The following TIMM23 variants were observed in gnomAD, a reference collection of about 807,000 sequenced individuals.
TIMM23 encodes the protein translocase of inner mitochondrial membrane 23, also known as mitochondrial import inner membrane translocase subunit Tim23.
Under a neutral mutation model 30.7 loss-of-function variants are expected in TIMM23, and 19 were observed. That is an observed-to-expected ratio of 0.62 (90% confidence interval 0.43 to 0.91). The LOEUF (loss-of-function observed/expected upper bound fraction) is 0.91. TIMM23 is among the 40% of genes least tolerant of loss of function. TIMM23 has a pLI of 0.00. For missense variants in TIMM23, 202 were observed against 269.2 expected (o/e 0.75, Z 1.75); for synonymous variants, 78 against 98.5 (o/e 0.79, Z 1.23).
intron 6 of TIMM23, among the ~76,000 whole-genome samples, chr10:46,000,567 C>T (rs1838497988): frequency 6.6e-6 from 1 of 152,192 alleles, no homozygotes; most frequent in African/African-American, 2.4e-5. Flanking sequence ...TATGTTACCC[C>T]TAGTGCATAT....
intron 6 of TIMM23, among the ~76,000 whole-genome samples, chr10:46,001,000 C>T (rs559397733): frequency 3.5e-4 from 53 of 152,168 alleles, no homozygotes; most frequent in South Asian, 2.1e-3. Context: ...AATAACTGAG[C>T]GATAGCAATG....
Position 45,988,760 on chromosome 10 carries a change from G to A in TIMM23, c.427G>A (p.Val143Ile). Reference protein sequence around the residue: ...SLALLYSAFGVIIEKTRGAED... With the variant: ...SLALLYSAFGIIIEKTRGAED... ...AGCTTTGCTCTATAGTGCATTTGGT[G>A]TCATCATTGAGAAAACACGAGGTGC... is the stretch of plus-strand genomic sequence containing the variant. Residue 143 changes from valine (V) to isoleucine (I), a missense_variant, in exon 6 of 7, where the codon GTC becomes ATC. Coordinates refer to ENST00000580018, the MANE Select transcript of TIMM23 (RefSeq NM_006327.4). 6.2e-7 allele frequency: 1 copy of A among 1,613,824 alleles called. No individual in the cohort carries two copies.
chr10:46,003,334 A>C lies in TIMM23; in HGVS notation c.*16A>C. ...GTCACTCTGAAGATTTTGCCAACTC[A>C]TGAATGGAGGACACTTCAGTAGTCA... On this transcript the variant is annotated 3_prime_UTR_variant, in exon 7 of 7. Coordinates refer to ENST00000580018, the MANE Select transcript of TIMM23 (RefSeq NM_006327.4). 149 of 1,568,288 alleles carry C rather than the reference A, an allele frequency of 9.5e-5. No individual in the cohort carries two copies. The highest frequency in any genetic ancestry group is 1.7e-4 in the Middle Eastern group (1 of 5,964).
chr10:45,982,015 T>C (rs1837866640), intron 2 of TIMM23, among the ~76,000 whole-genome samples: 1 of 152,274 alleles, frequency 6.6e-6, no homozygotes. Context: ...ATCAAAGGAA[T>C]ATATACTCCT....
chr10:45,998,563 A>T (rs1838416363), intron 6 of TIMM23, among the ~76,000 whole-genome samples: 1 of 152,202 alleles, frequency 6.6e-6, no homozygotes, highest in East Asian at 1.9e-4. Context: ...TTGCAAACAC[A>T]TCAACCAATT....
At chr10:45,999,151 T>C (rs1838440425) in intron 6 of TIMM23, among the ~76,000 whole-genome samples, 2 of 152,018 alleles carry the variant, frequency 1.3e-5, no homozygotes, top group Admixed American at 1.3e-4. Context: ...AATTTTTTTT[T>C]ATTTTTTGAG....
chr10:45,997,812 A>G (rs1838393252), intron 6 of TIMM23, among the ~76,000 whole-genome samples: 1 of 152,212 alleles, frequency 6.6e-6, no homozygotes, highest in African/African-American at 2.4e-5. Context: ...CTCAGAAGAA[A>G]AAATAAAGGA....
At chr10:46,002,317 A>G (rs1412012579) in intron 6 of TIMM23, 1 of 154,278 alleles carries the variant, frequency 6.5e-6, no homozygotes, top group African/African-American at 2.4e-5. Flanking sequence ...CTGGGACCAC[A>G]GGCGCATGCC....
intron 6 of TIMM23, among the ~76,000 whole-genome samples, chr10:46,000,103 A>G (rs992579713): frequency 2.2e-4 from 33 of 152,122 alleles, no homozygotes; most frequent in Non-Finnish European, 4.4e-5. Context: ...ATGCTCTACA[A>G]TTTGTGCGGT....
In TIMM23 at chr10:45,999,646, A is replaced by G. The variant is rs1038133560; in HGVS notation, c.515-3557A>G. On this transcript the variant is annotated intron_variant, in intron 6 of 6. Coordinates refer to ENST00000580018, the MANE Select transcript of TIMM23 (RefSeq NM_006327.4). ...GGCGAGATCATAGGACTACAGGACC[A>G]GGGCGAAATTAAAATTGCTAATGAA... is the stretch of plus-strand genomic sequence containing the variant. Among the ~76,000 whole-genome samples the G allele has an allele frequency of 2.8e-3, 421 of 152,332 alleles. 1 individual carries two copies. Among genetic ancestry groups the G allele is most frequent in the East Asian group, 0.021 (111 of 5,180 alleles).
chr10:45,989,228 T>C (rs1270098706), intron 6 of TIMM23, among the ~76,000 whole-genome samples: 3 of 152,230 alleles, frequency 2.0e-5, no homozygotes, highest in African/African-American at 7.2e-5. Flanking sequence ...AATCATACAA[T>C]ATTTGTCCTT....
chr10:45,975,209 C>T (rs1321952719), intron 1 of TIMM23, among the ~76,000 whole-genome samples: 4 of 152,334 alleles, frequency 2.6e-5, no homozygotes, highest in East Asian at 1.9e-4. Context: ...AGATCTATGA[C>T]ACTGCAATTA....
intron 6 of TIMM23, among the ~76,000 whole-genome samples, chr10:45,991,805 CTGTT>C (rs1157436581): frequency 3.3e-5 from 5 of 151,910 alleles, no homozygotes; most frequent in South Asian, 4.2e-4. Context: ...TACTAGAAGA[CTGTT>C]TGCTGTTTGG....
At chr10:45,974,001 C>T (rs1259956127) in intron 1 of TIMM23, among the ~76,000 whole-genome samples, 1 of 152,094 alleles carries the variant, frequency 6.6e-6, no homozygotes, top group African/African-American at 2.4e-5. Flanking sequence ...AGTTTCAGAG[C>T]ACAAAGGGCA....
At chr10:45,988,995 G>A in intron 6 of TIMM23, 148 bp downstream of exon 6, 1 of 833,808 alleles carries the variant, frequency 1.2e-6, no homozygotes, top group South Asian at 1.7e-5. Context: ...GTTTTTAATT[G>A]TGGTAAAATA....
chr10:45,986,604 G>T (rs1837996575), intron 5 of TIMM23, among the ~76,000 whole-genome samples: 1 of 152,286 alleles, frequency 6.6e-6, no homozygotes, highest in African/African-American at 2.4e-5. Context: ...TGAGCGCGGT[G>T]TATTGTTGCA....
At chr10:45,983,373 C>T (rs1170014265) in intron 4 of TIMM23, among the ~76,000 whole-genome samples, 5 of 152,026 alleles carry the variant, frequency 3.3e-5, no homozygotes, top group Non-Finnish European at 5.9e-5. Context: ...TTTATGTTTC[C>T]GAAATGATGA....
chr10:45,993,193 A>C (rs1479030907), intron 6 of TIMM23, among the ~76,000 whole-genome samples: 2 of 144,620 alleles, frequency 1.4e-5, no homozygotes, highest in Non-Finnish European at 3.0e-5. Flanking sequence ...CTACTGCCAA[A>C]TGACCCTTCT....
At chr10:45,980,546 G>A (rs1228334714) in intron 2 of TIMM23, among the ~76,000 whole-genome samples, 2 of 151,856 alleles carry the variant, frequency 1.3e-5, no homozygotes, top group East Asian at 3.9e-4. Flanking sequence ...ACAAAAATAA[G>A]GAAAATTTAA....
Sources: gnomAD v4.1 joint callset for allele counts (sites outside exome capture counted in the v4.1 genomes callset) on GRCh38, gnomAD v4.1.1 for gene constraint, MANE v1.5 for transcripts, NCBI Gene and HGNC (gene_info 2026-07-23, HGNC 2026-07-21) for gene names.